ZGRF1: variants seen among roughly 807,000 people sequenced by gnomAD.
ZGRF1 encodes zinc finger GRF-type containing 1, also known as 5'-3' DNA helicase ZGRF1.
Under a neutral mutation model 203.5 loss-of-function variants are expected in ZGRF1, and 196 were observed. The ratio of observed to expected loss-of-function variants is 0.96; its 90% confidence interval spans 0.86 to 1.08. ZGRF1 has a LOEUF of 1.08. Ranked by LOEUF, ZGRF1 falls within the 50% of genes least tolerant of loss-of-function variation. The pLI is 0.00. For missense variants in ZGRF1, 2,326 were observed against 2,416.3 expected (o/e 0.96, Z 0.78); for synonymous variants, 809 against 841.3 (o/e 0.96, Z 0.66).
intron 3 of ZGRF1, among the ~76,000 whole-genome samples, chr4:112,625,851 C>A (rs901257346): frequency 6.6e-6 from 1 of 150,592 alleles, no homozygotes; most frequent in Non-Finnish European, 1.5e-5. Context: ...GCTGAGAACA[C>A]GCCATTGCAC....
intron 2 of ZGRF1, among the ~76,000 whole-genome samples, chr4:112,632,913 G>GT (rs2047459305): frequency 6.6e-6 from 1 of 152,200 alleles, no homozygotes; most frequent in African/African-American, 2.4e-5. Context: ...ATGATTTTGT[G>GT]TAACAAATAT....
At chr4:112,565,795 AGATACC>A (rs1742952562) in intron 16 of ZGRF1, among the ~76,000 whole-genome samples, 2 of 152,192 alleles carry the variant, frequency 1.3e-5, no homozygotes, top group Non-Finnish European at 2.9e-5. Context: ...AACCACAATG[AGATACC>A]ATCTCACACC....
chr4:112,564,264 T>C (rs1578290380), intron 16 of ZGRF1, among the ~76,000 whole-genome samples: 1 of 152,320 alleles, frequency 6.6e-6, no homozygotes, highest in East Asian at 1.9e-4. Flanking sequence ...CTTCCTCCTC[T>C]CTTGTAACTA....
At chr4:112,620,502 C>T (rs946534148) in intron 4 of ZGRF1, among the ~76,000 whole-genome samples, 1 of 152,124 alleles carries the variant, frequency 6.6e-6, no homozygotes, top group Admixed American at 6.5e-5. Context: ...TTGCTTGAGG[C>T]CAAGATTATG....
intron 22 of ZGRF1, among the ~76,000 whole-genome samples, chr4:112,550,591 G>A (rs1298362470): frequency 1.3e-5 from 2 of 152,116 alleles, no homozygotes; most frequent in Admixed American, 6.5e-5. Context: ...GGTGGCTCAC[G>A]CCTGTAATCC....
intron 16 of ZGRF1, among the ~76,000 whole-genome samples, chr4:112,575,287 T>C (rs909419629): frequency 6.6e-5 from 10 of 152,050 alleles, no homozygotes; most frequent in Non-Finnish European, 1.5e-4. Context: ...AGGCCTAACA[T>C]TTGGGGGGAA....
rs541360909 is a variant in ZGRF1, at chr4:112,541,009, C to T, written c.5776-54G>A. The T allele has an allele frequency of 6.5e-6, 10 of 1,548,394 alleles. No homozygotes were observed. The African/African-American group carries it at 1.4e-4, about 21-fold the overall frequency. On this transcript the variant is annotated intron_variant, in intron 25 of 27. Coordinates refer to ENST00000505019, the MANE Select transcript of ZGRF1 (RefSeq NM_018392.5). ...ATTTCCCAGAAAGGCTATGGAAAAA[C>T]CAAGTAAAATCATACAAACAACAAC...
chr4:112,584,450 GAA>G (rs1746819441), intron 14 of ZGRF1, among the ~76,000 whole-genome samples: 1 of 152,104 alleles, frequency 6.6e-6, no homozygotes, highest in Non-Finnish European at 1.5e-5. Context: ...TAAACAACCT[GAA>G]AACTGTCCAG....
intron 20 of ZGRF1, among the ~76,000 whole-genome samples, chr4:112,557,188 T>C (rs1741097665): frequency 6.6e-6 from 1 of 152,026 alleles, no homozygotes; most frequent in African/African-American, 2.4e-5. Context: ...TTTTTTTTTT[T>C]TGAGACAGAT....
intron 10 of ZGRF1, among the ~76,000 whole-genome samples, chr4:112,598,647 T>C (rs1560831925): frequency 6.6e-6 from 1 of 151,972 alleles, no homozygotes; most frequent in Non-Finnish European, 1.5e-5. Flanking sequence ...AATAATAAAA[T>C]AATGTTTTTA....
chr4:112,613,250 C>T (rs2046754100), intron 6 of ZGRF1, among the ~76,000 whole-genome samples: 1 of 152,190 alleles, frequency 6.6e-6, no homozygotes, highest in East Asian at 1.9e-4. Flanking sequence ...GCTAAGATCG[C>T]ACCACTGCAC....
Position 112,578,383 on chromosome 4 carries a change from C to T in ZGRF1, c.4438+3280G>A, listed in dbSNP as rs13141034. Among the ~76,000 whole-genome samples the T allele has an allele frequency of 0.01, 1,249 of 120,164 alleles. 326 individuals are homozygous for T. The East Asian group carries it at 0.14, about 14-fold the overall frequency. 78.8% of individuals were successfully genotyped at this position (120,164 alleles called of 152,430 possible). A position where few individuals can be genotyped will look rare whatever the true frequency, so the allele number is the denominator to read the frequency against. On this transcript the variant is annotated intron_variant, in intron 16 of 27. Coordinates refer to ENST00000505019, the MANE Select transcript of ZGRF1 (RefSeq NM_018392.5). ...AGAACTAGAGAAGCAAGAGCAAACA[C>T]ATTCAAAAGCTAGCAGAAGGCAAGA... is the stretch of plus-strand genomic sequence containing the variant.
chr4:112,618,199 C>T lies in ZGRF1; in HGVS notation c.1843G>A (p.Asp615Asn), dbSNP rs1181044589. Residue 615 changes from aspartate to asparagine, a missense_variant, in exon 6 of 28, where the codon GAT becomes AAT. By Grantham distance (23) the Asp-to-Asn change is conservative. Transcript: ENST00000505019. ...ATGTCAAAACCCACATAAGTTTTAT[C>T]ACAAAACTGTGATGGCAGAGTCTCT... Reference protein sequence around the residue: ...VKETLPSQFCDKTYVGFDMGI... With the variant: ...VKETLPSQFCNKTYVGFDMGI... 6.2e-7 allele frequency: 1 copy of T among 1,613,742 alleles called. No homozygotes were observed.
At chr4:112,570,027 A>G (rs1308013957) in intron 16 of ZGRF1, among the ~76,000 whole-genome samples, 2 of 152,194 alleles carry the variant, frequency 1.3e-5, no homozygotes, top group Non-Finnish European at 2.9e-5. Context: ...GCCCTAATAT[A>G]TAAGATGCAA....
In ZGRF1 at chr4:112,618,298, C is replaced by T; in HGVS notation, c.1744G>A (p.Glu582Lys). Residue 582 changes from glutamate to lysine, a missense_variant, in exon 6 of 28, where the codon GAA becomes AAA. Coordinates refer to ENST00000505019, the MANE Select transcript of ZGRF1 (RefSeq NM_018392.5). ...GGCAAATGTTCACCCTCAATCTCTT[C>T]ACAGTTTGTATTCTCAGACCTCTTT... ...FQKRSENTNC[E>K]EIEGEHLPFL... 1.2e-6 allele frequency: 2 copies of T among 1,613,856 alleles called. No individual in the cohort carries two copies. Among genetic ancestry groups the T allele is most frequent in the Middle Eastern group, 1.7e-4 (1 of 6,060 alleles).
Position 112,587,846 on chromosome 4 carries a change from A to G in ZGRF1, c.3211T>C (p.Leu1071=). 1 of 1,551,394 alleles carries G rather than the reference A, an allele frequency of 6.4e-7. No individual in the cohort carries two copies. The stretch of plus-strand genomic sequence containing the variant: ...TCAGGTGGCCCATCAGTACGTGGCA[A>G]AGTAATAAGTGGAACCTGGGTTCTA... ...LSRTQVPLIT[L]PRTDGPPDLD... is the part of the protein sequence containing the mutation. The change falls in exon 12 of 28, where the codon TTG becomes CTG. Residue 1071 remains leucine (L), a synonymous_variant. Coordinates refer to ENST00000505019, the MANE Select transcript of ZGRF1 (RefSeq NM_018392.5).
chr4:112,539,738 T>A (rs773340674), intron 27 of ZGRF1, 49 bp from the exon 28 acceptor site: 22 of 1,564,162 alleles, frequency 1.4e-5, no homozygotes, highest in Non-Finnish European at 1.7e-5. Context: ...TTTACAGAGG[T>A]CCCAATATTA....
Position 112,617,914 on chromosome 4 carries a change from G to C in ZGRF1, c.2128C>G (p.Gln710Glu). The C allele has an allele frequency of 6.2e-7, 1 of 1,613,680 alleles. No individual in the cohort carries two copies. The highest frequency in any genetic ancestry group is 1.1e-5 in the South Asian group (1 of 91,034). Residue 710 changes from glutamine to glutamate, a missense_variant, in exon 6 of 28, where the codon CAA becomes GAA. By Grantham distance (29) the Gln-to-Glu change is conservative. Transcript: ENST00000505019. ...ENSNLFSEDA[Q>E]PQPFILGSDL... ...CTTCCCAAAATAAAAGGCTGAGGTT[G>C]AGCATCTTCTGAAAATAGATTACTG...
intron 10 of ZGRF1, among the ~76,000 whole-genome samples, chr4:112,602,796 CTG>C (rs1458303090): frequency 2.0e-5 from 3 of 152,098 alleles, no homozygotes; most frequent in East Asian, 3.9e-4. Flanking sequence ...AAAGAATACA[CTG>C]TGTATGATTC....
Sources: gnomAD v4.1 joint callset for allele counts (sites outside exome capture counted in the v4.1 genomes callset) on GRCh38, gnomAD v4.1.1 for gene constraint, MANE v1.5 for transcripts, NCBI Gene and HGNC (gene_info 2026-07-23, HGNC 2026-07-21) for gene names.